Variants in ADAMTS13 observed in about 807,000 individuals in gnomAD.
The protein encoded by ADAMTS13 is ADAM metallopeptidase with thrombospondin type 1 motif 13, also known as A disintegrin and metalloproteinase with thrombospondin motifs 13.
In ADAMTS13, 110 loss-of-function variants were observed where a neutral mutation model predicts 155.1. The ratio of observed to expected loss-of-function variants is 0.71; its 90% confidence interval spans 0.61 to 0.83. The LOEUF is 0.83. Among genes scored for constraint, ADAMTS13 ranks in the 40% least tolerant of loss-of-function variants. ADAMTS13 has a pLI of 0.00. For synonymous variants in ADAMTS13, 758 were observed against 756.4 expected, an observed-to-expected ratio of 1.00 and a Z score of -0.03; for missense variants, 1,707 against 1,891.7, an observed-to-expected ratio of 0.90 and a Z score of 1.81.
At chr9:133,435,560 C>G (rs377359687) in intron 11 of ADAMTS13, among the ~76,000 whole-genome samples, 5 of 143,518 alleles carry the variant, frequency 3.5e-5, no homozygotes, top group Non-Finnish European at 7.6e-5. Flanking sequence ...GATGGAGTCT[C>G]GCTCTGTCGC....
At chr9:133,437,031 G>T (rs1311392249) in intron 12 of ADAMTS13, 76 bp downstream of exon 12, 8 of 1,519,854 alleles carry the variant, frequency 5.3e-6, no homozygotes, top group Non-Finnish European at 6.2e-6. Flanking sequence ...TCATAGGGGG[G>T]TTGGCCTACT....
intron 28 of ADAMTS13, among the ~76,000 whole-genome samples, chr9:133,458,425 G>A (rs369748326): frequency 2.0e-5 from 3 of 151,870 alleles, no homozygotes; most frequent in Non-Finnish European, 4.4e-5. Context: ...GCATGGTGGC[G>A]TGTGCCTGTA....
chr9:133,426,150 G>T, intron 5 of ADAMTS13, 49 bp from the exon 6 acceptor site: 2 of 1,613,924 alleles, frequency 1.2e-6, no homozygotes, highest in South Asian at 2.2e-5. Flanking sequence ...TGACCCCAGG[G>T]CAGGCACGTG....
Position 133,454,465 on chromosome 9 carries a change from C to G in ADAMTS13, c.3095C>G (p.Thr1032Ser), listed in dbSNP as rs987656538. ...GPCSASCGLG[T>S]ARRSVACVQL... ...TGTTCGGCCAGCTGTGGCCTTGGCACTGCTAGACGCTCGGTGGCCTGTGTG... is the reference window on the plus strand; with the variant it reads ...TGTTCGGCCAGCTGTGGCCTTGGCAGTGCTAGACGCTCGGTGGCCTGTGTG... Residue 1032 changes from threonine (T) to serine (S), a missense_variant, in exon 24 of 29, where the codon ACT (threonine) becomes AGT (serine). Physicochemically the swap from Thr to Ser is moderately conservative, Grantham distance 58. Coordinates refer to ENST00000355699, the MANE Select transcript of ADAMTS13 (RefSeq NM_139027.6). The G allele has an allele frequency of 2.5e-6, 4 of 1,613,644 alleles. No individual in the cohort carries two copies. The South Asian group carries it at 4.4e-5, about 18-fold the overall frequency.
Position 133,441,806 on chromosome 9 carries a change from G to A in ADAMTS13, c.1969-593G>A, listed in dbSNP as rs1554790848. Reference sequence around the variant, plus strand: ...TCCAGTTTCTTCCTGCCGACCCTACGGGCCTCAGCTCTGGCTCCAGAAGCA... The same window carrying A: ...TCCAGTTTCTTCCTGCCGACCCTACAGGCCTCAGCTCTGGCTCCAGAAGCA... On this transcript the variant is annotated intron_variant, in intron 16 of 28. Transcript: ENST00000355699. The surrounding 1 kb of genome is among the most constrained non-coding windows in gnomAD (Gnocchi z 5.0). Among the ~76,000 whole-genome samples the A allele has an allele frequency of 6.6e-6, 1 of 152,172 alleles. No individual in the cohort carries two copies. The highest frequency in any genetic ancestry group is 2.1e-4 in the South Asian group (1 of 4,826).
At chr9:133,435,705 T>G (rs1442365210) in intron 11 of ADAMTS13, among the ~76,000 whole-genome samples, 1 of 151,604 alleles carries the variant, frequency 6.6e-6, no homozygotes, top group Non-Finnish European at 1.5e-5. Flanking sequence ...AATTTTTTTT[T>G]GTATTTTTAG....
intron 28 of ADAMTS13, 90 bp from the exon 29 acceptor site, chr9:133,458,884 C>A (rs150473449): frequency 6.7e-6 from 8 of 1,190,080 alleles, no homozygotes; most frequent in Non-Finnish European, 8.5e-6. Context: ...AAATGTGATC[C>A]GGAATCTGTG....
At position 133,442,758 on chromosome 9, in the gene ADAMTS13, G is replaced by T; in HGVS notation, c.2234+15G>T. ...TGCCCTCCCTAGTGAGTGTGGTGCT[G>T]TCTGCGCAGCTCCAAGGGGGAGAGA... On this transcript the variant is annotated intron_variant, in intron 18 of 28. Transcript: ENST00000355699. The T allele has an allele frequency of 6.2e-7, 1 of 1,611,036 alleles. No individual in the cohort carries two copies. The highest frequency in any genetic ancestry group is 8.5e-7 in the Non-Finnish European group (1 of 1,179,616).
chr9:133,446,255 T>G (rs1254570379), intron 21 of ADAMTS13, among the ~76,000 whole-genome samples: 2 of 152,208 alleles, frequency 1.3e-5, no homozygotes, highest in African/African-American at 2.4e-5. Flanking sequence ...ACAGTCACAT[T>G]GTTGTGCGGC....
In ADAMTS13 at chr9:133,449,874, G is replaced by A. The variant is rs1335736033; in HGVS notation, c.2953G>A (p.Asp985Asn). 21 of 1,614,020 alleles carry A rather than the reference G, an allele frequency of 1.3e-5. No individual in the cohort carries two copies. Among genetic ancestry groups the A allele is most frequent in the Middle Eastern group, 1.7e-4 (1 of 6,010 alleles). The change falls in exon 23 of 29, where the codon GAT (aspartate) becomes AAT (asparagine). Residue 985 changes from aspartate to asparagine, a missense_variant. Coordinates refer to ENST00000355699, the MANE Select transcript of ADAMTS13 (RefSeq NM_139027.6). ...TTGTGCCCGGGCCCATGGGGAGGAC[G>A]ATGGTGAGGAGATCCTGTTGGACAC... ...LYCARAHGED[D>N]GEEILLDTQC... is the part of the protein sequence containing the mutation.
intron 15 of ADAMTS13, among the ~76,000 whole-genome samples, chr9:133,439,963 G>A (rs1479885379): frequency 2.0e-5 from 3 of 152,274 alleles, no homozygotes; most frequent in African/African-American, 7.2e-5. Flanking sequence ...TGCCTGGTGT[G>A]ACCCGTGTTT....
intron 27 of ADAMTS13, 85 bp from the exon 28 acceptor site, chr9:133,457,825 T>G (rs1554796536): frequency 6.4e-7 from 1 of 1,560,558 alleles, no homozygotes; most frequent in African/African-American, 1.4e-5. Flanking sequence ...CATGCTGCCC[T>G]GCACGGCTCC....
intron 28 of ADAMTS13, 111 bp downstream of exon 28, chr9:133,458,205 T>A: frequency 1.5e-6 from 2 of 1,291,794 alleles, no homozygotes; most frequent in Non-Finnish European, 2.2e-6. Flanking sequence ...TCAAAATCAT[T>A]AGTGAAAGAA....
chr9:133,424,414 G>A lies in ADAMTS13; in HGVS notation c.266G>A (p.Gly89Asp). 6.2e-7 allele frequency: 1 copy of A among 1,613,750 alleles called. No individual in the cohort carries two copies. Among genetic ancestry groups the A allele is most frequent in the East Asian group, 2.2e-5 (1 of 44,870 alleles). ...CACCTGGAGCTGCTGGTGGCCGTGG[G>A]CCCCGATGTCTTCCAGGCTCACCAG... The part of the protein sequence containing the change: ...ILHLELLVAV[G>D]PDVFQAHQED... The change falls in exon 3 of 29, where the codon GGC (glycine) becomes GAC (aspartate). Residue 89 changes from glycine to aspartate, a missense_variant. Gly to Asp is a moderately conservative substitution (Grantham distance 94). Transcript: ENST00000355699. This position sits in a 1 kb window ranked among gnomAD's most constrained non-coding sequence, Gnocchi z 4.3.
chr9:133,435,905 C>T (rs28730888), intron 11 of ADAMTS13, among the ~76,000 whole-genome samples: 7,255 of 151,938 alleles, frequency 0.048, 241 homozygotes, highest in Non-Finnish European at 0.074. Context: ...ACCAGCATTG[C>T]GCCAGGGTTC....
At position 133,458,114 on chromosome 9, in the gene ADAMTS13, C is replaced by T; in HGVS notation, c.3909+20C>T. The T allele has an allele frequency of 6.2e-7, 1 of 1,611,682 alleles. No homozygotes were observed. Among genetic ancestry groups the T allele is most frequent in the Admixed American group, 1.7e-5 (1 of 59,880 alleles). ...ATCTTGGTGAGGCCCAGCATGGGGA[C>T]TTGTGCTGTGATTCTGGACAGCTTT... On this transcript the variant is annotated intron_variant, in intron 28 of 28. Transcript: ENST00000355699.
In ADAMTS13 at chr9:133,457,956, C is replaced by A. The variant is rs371841724; in HGVS notation, c.3771C>A (p.Pro1257=). The change falls in exon 28 of 29, where the codon CCC becomes CCA. Residue 1257 remains proline, a synonymous_variant. Coordinates refer to ENST00000355699, the MANE Select transcript of ADAMTS13 (RefSeq NM_139027.6). ...GGCCCTGGGGTGAAATCGTGAGCCCCTCGCTGAGTCCAGCCACGAGTAATG... is the reference window on the plus strand; with the variant it reads ...GGCCCTGGGGTGAAATCGTGAGCCCATCGCTGAGTCCAGCCACGAGTAATG... ...LFGPWGEIVS[P]SLSPATSNAG... is the part of the protein sequence containing the mutation. 6.2e-7 allele frequency: 1 copy of A among 1,613,676 alleles called. No individual in the cohort carries two copies. Among genetic ancestry groups the A allele is most frequent in the Non-Finnish European group, 8.5e-7 (1 of 1,180,052 alleles).
Position 133,454,556 on chromosome 9 carries a change from G to C in ADAMTS13, c.3186G>C (p.Glu1062Asp), listed in dbSNP as rs1554795173. The C allele has an allele frequency of 6.2e-7, 1 of 1,608,366 alleles. No homozygotes were observed. The highest frequency in any genetic ancestry group is 1.1e-5 in the South Asian group (1 of 91,058). The change falls in exon 24 of 29, where the codon GAG becomes GAC. Residue 1062 changes from glutamate to aspartate, a missense_variant. Physicochemically the swap from Glu to Asp is conservative, Grantham distance 45 (BLOSUM62 2). Transcript: ENST00000355699. The part of the protein sequence containing the change: ...EAACAALVRP[E>D]ASVPCLIADC... ...CCTGTGCGGCGCTGGTGCGGCCCGA[G>C]GCCAGTGTCCCCTGTCTCATTGCCG...
Position 133,454,502 on chromosome 9 carries a change from A to G in ADAMTS13, c.3132A>G (p.Gln1044=). The G allele has an allele frequency of 6.2e-7, 1 of 1,612,640 alleles. No individual in the cohort carries two copies. ...RRSVACVQLD[Q]GQDVEVDEAA... The stretch of plus-strand genomic sequence containing the variant: ...CGGTGGCCTGTGTGCAGCTCGACCA[A>G]GGCCAGGACGTGGAGGTGGACGAGG... Residue 1044 remains glutamine, a synonymous_variant, in exon 24 of 29, where the codon CAA becomes CAG. Coordinates refer to ENST00000355699, the MANE Select transcript of ADAMTS13 (RefSeq NM_139027.6).
Sources: gnomAD v4.1 joint callset for allele counts (sites outside exome capture counted in the v4.1 genomes callset) on GRCh38, gnomAD v4.1.1 for gene constraint, Gnocchi (gnomAD v3.1) non-coding constraint, MANE v1.5 for transcripts, NCBI Gene and HGNC (gene_info 2026-07-23, HGNC 2026-07-21) for gene names.